Variants in TOR1AIP2 observed in about 807,000 individuals in gnomAD.
TOR1AIP2 encodes the protein torsin 1A interacting protein 2, also known as torsin-1A-interacting protein 2.
A neutral mutation model predicts 32.6 loss-of-function variants in TOR1AIP2; 20 were observed. The observed-to-expected ratio is 0.61, with a 90% CI of 0.43 to 0.89. The LOEUF is 0.89. TOR1AIP2 is among the 40% of genes least tolerant of loss of function. TOR1AIP2 has a pLI of 0.00. For missense variants in TOR1AIP2, 456 were observed against 553.8 expected, an observed-to-expected ratio of 0.82 and a Z score of 1.77; for synonymous variants, 214 against 210.8, an observed-to-expected ratio of 1.02 and a Z score of -0.13.
intron 3 of TOR1AIP2, chr1:179,862,828 T>C (rs12126625): frequency 0.13 from 21,023 of 166,944 alleles, 1,370 homozygotes; most frequent in Middle Eastern, 0.2. Flanking sequence ...CTCAGGAGGC[T>C]GAGGCAGGAG....
At chr1:179,864,740 A>G in intron 3 of TOR1AIP2, 1 of 1,526,960 alleles carries the variant, frequency 6.5e-7, no homozygotes, top group Non-Finnish European at 8.8e-7. Flanking sequence ...GGCTACCTAC[A>G]CAAAAGCCTC....
Position 179,852,821 on chromosome 1 carries a change from A to G in TOR1AIP2, c.-146-10T>C. 7.2e-7 allele frequency: 1 copy of G among 1,393,036 alleles called. No individual in the cohort carries two copies. The highest frequency in any genetic ancestry group is 9.4e-7 in the Non-Finnish European group (1 of 1,068,020). The allele number at this position is 1,393,036 out of a possible 1,614,324, so 86.3% of individuals were successfully genotyped here. ...GGCATATATACAGTGACTAAAACAAAATGAAAAAAAATTAAATGACTTTTT... is the reference window on the plus strand; with the variant it reads ...GGCATATATACAGTGACTAAAACAAGATGAAAAAAAATTAAATGACTTTTT... On this transcript the variant is annotated splice_polypyrimidine_tract_variant and intron_variant, in intron 3 of 6. Transcript: ENST00000609928.
At chr1:179,864,040 C>T (rs1197354539) in intron 3 of TOR1AIP2, 2 of 985,410 alleles carry the variant, frequency 2.0e-6, no homozygotes, top group Non-Finnish European at 2.4e-6. Context: ...CAGGGGAGGA[C>T]GTTGTAAATT....
chr1:179,854,539 AG>A (rs1296935815), intron 3 of TOR1AIP2, among the ~76,000 whole-genome samples: 1 of 152,200 alleles, frequency 6.6e-6, no homozygotes, highest in Non-Finnish European at 1.5e-5. Flanking sequence ...ATTCTAAAGA[AG>A]GGGGGCAATC....
intron 3 of TOR1AIP2, chr1:179,864,681 T>C: frequency 2.0e-6 from 3 of 1,494,196 alleles, no homozygotes; most frequent in Non-Finnish European, 2.7e-6. Context: ...CCCAAAGTAG[T>C]GACAATCTGG....
At chr1:179,854,811 C>T (rs1183280620) in intron 3 of TOR1AIP2, among the ~76,000 whole-genome samples, 1 of 152,176 alleles carries the variant, frequency 6.6e-6, no homozygotes, top group Non-Finnish European at 1.5e-5. Context: ...GCAGAGGTTG[C>T]AGTGAGCCCA....
intron 5 of TOR1AIP2, among the ~76,000 whole-genome samples, chr1:179,850,569 A>G (rs1696077165): frequency 6.6e-6 from 1 of 152,250 alleles, no homozygotes; most frequent in South Asian, 2.1e-4. Flanking sequence ...CCTTTTTGTC[A>G]TATCACATTA....
chr1:179,861,027 A>G (rs1696510129), intron 3 of TOR1AIP2: 1 of 985,230 alleles, frequency 1.0e-6, no homozygotes. Context: ...TGGTGGATGT[A>G]TTTTCTTTCC....
intron 6 of TOR1AIP2, among the ~76,000 whole-genome samples, chr1:179,847,072 C>T (rs1397967528): frequency 1.3e-5 from 2 of 151,982 alleles, no homozygotes; most frequent in African/African-American, 4.8e-5. Flanking sequence ...GTTAAGTACT[C>T]GGTAAAAAAT....
rs1281409 is a variant in TOR1AIP2, at chr1:179,844,429, C to T, written c.*1642G>A. The T allele has an allele frequency of 2.0e-5, 3 of 151,984 alleles. No homozygotes were observed. Among genetic ancestry groups the T allele is most frequent in the Non-Finnish European group, 4.4e-5 (3 of 68,010 alleles). 9.4% of individuals were successfully genotyped at this position (151,984 alleles called of 1,614,324 possible). ...TCCATACTTTAATCAGACTTCTTAG[C>T]TATATACATATGATCTCATATAATG... On this transcript the variant is annotated 3_prime_UTR_variant, in exon 7 of 7. Coordinates refer to ENST00000609928, the MANE Select transcript of TOR1AIP2 (RefSeq NM_001199260.2).
In TOR1AIP2 at chr1:179,841,743, C is replaced by G. The variant is rs746098722; in HGVS notation, c.*4328G>C. On this transcript the variant is annotated 3_prime_UTR_variant, in exon 7 of 7. Coordinates refer to ENST00000609928, the MANE Select transcript of TOR1AIP2 (RefSeq NM_001199260.2). The stretch of plus-strand genomic sequence containing the variant: ...CTATTTAACATTCATTTTTGAAGTG[C>G]CAGAGACCTGCCTATGTCGCATAAA... 15 of 152,204 alleles carry G rather than the reference C, an allele frequency of 9.9e-5. No individual in the cohort carries two copies. The highest frequency in any genetic ancestry group is 1.6e-4 in the Non-Finnish European group (11 of 68,034). 9.4% of individuals were successfully genotyped at this position (152,204 alleles called of 1,614,324 possible). A position where few individuals can be genotyped will look rare whatever the true frequency, so the allele number is the denominator to read the frequency against.
intron 3 of TOR1AIP2, chr1:179,861,517 G>T (rs892778915): frequency 1.0e-6 from 1 of 984,256 alleles, no homozygotes. Context: ...TAATATTTTT[G>T]ATTCATTTTT....
intron 2 of TOR1AIP2, among the ~76,000 whole-genome samples, chr1:179,870,424 T>C (rs1444793016): frequency 6.6e-6 from 1 of 151,900 alleles, no homozygotes; most frequent in Non-Finnish European, 1.5e-5. Flanking sequence ...TTTTTTTACA[T>C]ACACATGTGC....
Position 179,844,666 on chromosome 1 carries a change from C to T in TOR1AIP2, c.*1405G>A, listed in dbSNP as rs1695835717. 6.6e-6 allele frequency: 1 copy of T among 152,204 alleles called. No homozygotes were observed. The highest frequency in any genetic ancestry group is 6.5e-5 in the Admixed American group (1 of 15,284). 9.4% of individuals were successfully genotyped at this position (152,204 alleles called of 1,614,324 possible). On this transcript the variant is annotated 3_prime_UTR_variant, in exon 7 of 7. Transcript: ENST00000609928. The stretch of plus-strand genomic sequence containing the variant: ...ACTGAACATCAAAACCTCTGAGAAT[C>T]TACCCACCATTTCTGCTTCCTCTCA...
intron 3 of TOR1AIP2, chr1:179,863,472 T>G: frequency 4.1e-6 from 4 of 985,080 alleles, no homozygotes; most frequent in Non-Finnish European, 4.8e-6. Flanking sequence ...GATTAAAATG[T>G]CTGTTACAAC....
At chr1:179,872,763 T>C (rs1264290647) in intron 2 of TOR1AIP2, among the ~76,000 whole-genome samples, 1 of 152,226 alleles carries the variant, frequency 6.6e-6, no homozygotes, top group African/African-American at 2.4e-5. Flanking sequence ...TATTAAGCTA[T>C]GCACGAAGGA....
In TOR1AIP2 at chr1:179,874,712, G is replaced by A. The variant is rs148288665; in HGVS notation, c.-566+2527C>T. 3.3e-3 allele frequency: 498 copies of A among 152,004 alleles called. 3 individuals carry two copies. Among genetic ancestry groups the A allele is most frequent in the African/African-American group, 0.012 (479 of 41,420 alleles). The allele number at this position is 152,004 out of a possible 1,614,324, so 9.4% of individuals were successfully genotyped here. On this transcript the variant is annotated intron_variant, in intron 2 of 6. Transcript: ENST00000609928. ...TGGGAGGTCAAGGATGCAGTGAGCC[G>A]TGATTGTGCCACTGCACTCCAGCCT... is the stretch of plus-strand genomic sequence containing the variant.
intron 2 of TOR1AIP2, chr1:179,873,872 T>C (rs1457583030): frequency 6.6e-6 from 1 of 152,240 alleles, no homozygotes; most frequent in Admixed American, 6.5e-5. Flanking sequence ...CTCCTTCAAG[T>C]TGGCTCTTGG....
At chr1:179,867,508 T>C (rs2148452385) in intron 2 of TOR1AIP2, 1 of 152,326 alleles carries the variant, frequency 6.6e-6, no homozygotes, top group Admixed American at 6.5e-5. Flanking sequence ...CCCACAATGG[T>C]GGATAAACAC....
Sources: gnomAD v4.1 joint callset for allele counts (sites outside exome capture counted in the v4.1 genomes callset) on GRCh38, gnomAD v4.1.1 for gene constraint, MANE v1.5 for transcripts, NCBI Gene and HGNC (gene_info 2026-07-23, HGNC 2026-07-21) for gene names.